HMCN1: variants seen among roughly 807,000 people sequenced by gnomAD.
HMCN1 encodes hemicentin 1, also known as hemicentin-1.
A neutral mutation model predicts 625.9 loss-of-function variants in HMCN1; 321 were observed. The ratio of observed to expected loss-of-function variants is 0.51; its 90% confidence interval spans 0.47 to 0.56. The LOEUF (loss-of-function observed/expected upper bound fraction) is 0.56, where lower values mean the gene tolerates loss of function less well. Ranked by LOEUF, HMCN1 falls within the 20% of genes least tolerant of loss-of-function variation. The probability of loss-of-function intolerance (pLI) is 0.00; values close to 1 mark genes in which losing one functional copy is unlikely to be tolerated. For missense variants in HMCN1, 6,588 were observed against 6,887.3 expected, an observed-to-expected ratio of 0.96 and a Z score of 1.54; for synonymous variants, 2,425 against 2,417.6, an observed-to-expected ratio of 1.00 and a Z score of -0.09.
At chr1:185,769,831 C>T (rs1352631459) in intron 1 of HMCN1, among the ~76,000 whole-genome samples, 1 of 152,090 alleles carries the variant, frequency 6.6e-6, no homozygotes, top group East Asian at 1.9e-4. Context: ...TTGTGGGCTC[C>T]CATCATCACA....
At chr1:186,129,826 G>C in intron 83 of HMCN1, 140 bp from the exon 84 acceptor site, 1 of 994,870 alleles carries the variant, frequency 1.0e-6, no homozygotes, top group Non-Finnish European at 1.6e-6. Context: ...AAGAAATGTG[G>C]AAAAGGCTCT....
chr1:186,177,052 C>T (rs1427445625), intron 103 of HMCN1: 1 of 143,282 alleles, frequency 7.0e-6, no homozygotes, highest in African/African-American at 2.8e-5. Flanking sequence ...CACCTGTAAT[C>T]CCAGCACTTT....
intron 2 of HMCN1, among the ~76,000 whole-genome samples, chr1:185,858,865 T>G (rs1662670105): frequency 6.6e-6 from 1 of 151,930 alleles, no homozygotes; most frequent in Admixed American, 6.6e-5. Flanking sequence ...CAAATCAACC[T>G]ACAGTCTCTG....
intron 100 of HMCN1, among the ~76,000 whole-genome samples, chr1:186,169,772 C>T (rs56267286): frequency 0.29 from 43,735 of 151,992 alleles, 6,660 homozygotes; most frequent in Middle Eastern, 0.4. Flanking sequence ...CAGGCATAGG[C>T]AAAGACTTCA....
chr1:185,853,554 G>T (rs892447354), intron 2 of HMCN1, among the ~76,000 whole-genome samples: 43 of 152,108 alleles, frequency 2.8e-4, no homozygotes, highest in Non-Finnish European at 4.6e-4. Flanking sequence ...TTCTGCTAGA[G>T]TAAAGAATTC....
At chr1:185,986,205 C>T (rs1651988811) in intron 19 of HMCN1, among the ~76,000 whole-genome samples, 1 of 152,084 alleles carries the variant, frequency 6.6e-6, no homozygotes, top group South Asian at 2.1e-4. Context: ...TGAACCCAGC[C>T]ATAGGAAAAT....
chr1:185,990,698 G>A (rs1571676023), intron 22 of HMCN1, among the ~76,000 whole-genome samples: 3 of 152,268 alleles, frequency 2.0e-5, no homozygotes, highest in Admixed American at 2.0e-4. Flanking sequence ...TTATTAAAAT[G>A]GAGCAGAATT....
rs188053862 is a variant in HMCN1, at chr1:186,088,312, T to G, written c.9577+36T>G. 890 of 1,609,162 alleles carry G rather than the reference T, an allele frequency of 5.5e-4. 4 individuals carry two copies. The East Asian group carries it at 7.9e-3, about 14-fold the overall frequency. ...CATGCATTTTTGTGTGTGTGTGTGT[T>G]TTTTTCTCTTGCTCTTAATTCACTA... is the stretch of plus-strand genomic sequence containing the variant. On this transcript the variant is annotated intron_variant, in intron 62 of 106. Transcript: ENST00000271588.
At chr1:185,911,372 A>G (rs971346653) in intron 5 of HMCN1, among the ~76,000 whole-genome samples, 7 of 152,196 alleles carry the variant, frequency 4.6e-5, no homozygotes, top group African/African-American at 1.4e-4. Flanking sequence ...TTATTTCATA[A>G]GGTTTCCAAT....
intron 11 of HMCN1, among the ~76,000 whole-genome samples, chr1:185,961,109 A>C (rs577679875): frequency 1.3e-5 from 2 of 152,286 alleles, no homozygotes; most frequent in East Asian, 3.9e-4. Flanking sequence ...AATTTGAAAA[A>C]CACAATGTAA....
Position 186,166,257 on chromosome 1 carries a change from C to T in HMCN1, c.15393C>T (p.Ser5131=), listed in dbSNP as rs142864872. ...CHNAMGTYYC[S]CPKGLTIAAD... is the part of the protein sequence containing the mutation. ...ATGCCATGGGGACTTACTACTGCTC[C>T]TGCCCTAAAGGCCTCACCATAGCTG... is the stretch of plus-strand genomic sequence containing the variant. The change falls in exon 99 of 107, where the codon TCC becomes TCT. Residue 5131 remains serine (S), a synonymous_variant. Coordinates refer to ENST00000271588, the MANE Select transcript of HMCN1 (RefSeq NM_031935.3). 7.0e-4 allele frequency: 1,131 copies of T among 1,614,154 alleles called. 4 individuals are homozygous for T. Among genetic ancestry groups the T allele is most frequent in the East Asian group, 3.7e-3 (168 of 44,862 alleles).
Position 185,828,011 on chromosome 1 carries a change from G to T in HMCN1, c.269-18015G>T, listed in dbSNP as rs200369347. On this transcript the variant is annotated intron_variant, in intron 1 of 106. Transcript: ENST00000271588. ...GCAAAAATGTTGTTCAAATACAGAG[G>T]CAATAGCAAACAATTTTGAACACGC... 2.6e-5 allele frequency among the ~76,000 whole-genome samples: 4 copies of T among 152,096 alleles called. No homozygotes were observed. The East Asian group carries it at 7.7e-4, about 29-fold the overall frequency.
rs568654159 is a variant in HMCN1, at chr1:185,928,666, A to G, written c.1551A>G (p.Ser517=). The G allele has an allele frequency of 6.2e-7, 1 of 1,613,214 alleles. No individual in the cohort carries two copies. The highest frequency in any genetic ancestry group is 1.3e-5 in the African/African-American group (1 of 75,030). The change falls in exon 10 of 107, where the codon TCA becomes TCG. Residue 517 remains serine, a splice_region_variant and synonymous_variant. Coordinates refer to ENST00000271588, the MANE Select transcript of HMCN1 (RefSeq NM_031935.3). The part of the protein sequence containing the change: ...TGRAQTFFDV[S]EPPPVIQVPN... ...GGGCACAGACATTTTTTGACGTATC[A>G]GGTAATTACCACTAATTTCTTTGCA...
intron 1 of HMCN1, among the ~76,000 whole-genome samples, chr1:185,747,710 A>G (rs1654515088): frequency 6.6e-6 from 1 of 152,236 alleles, no homozygotes; most frequent in East Asian, 1.9e-4. Context: ...GGAAAATTAC[A>G]TAGGAGCTAG....
chr1:185,970,310 T>A, intron 14 of HMCN1, 25 bp from the exon 15 acceptor site: 1 of 1,603,300 alleles, frequency 6.2e-7, no homozygotes, highest in Non-Finnish European at 8.5e-7. Flanking sequence ...TAGTGTTTAA[T>A]GTTCTCCCCT....
intron 1 of HMCN1, among the ~76,000 whole-genome samples, chr1:185,810,976 G>T (rs918667194): frequency 5.3e-5 from 8 of 151,266 alleles, no homozygotes; most frequent in African/African-American, 2.0e-4. Flanking sequence ...ATCTGCATTT[G>T]CTTATTAAAA....
intron 46 of HMCN1, among the ~76,000 whole-genome samples, chr1:186,058,820 C>T (rs909569309): frequency 6.6e-6 from 1 of 151,898 alleles, no homozygotes; most frequent in Admixed American, 6.6e-5. Flanking sequence ...TTTCCTAGTG[C>T]TGGAATTAGG....
At position 186,038,153 on chromosome 1, in the gene HMCN1, A is replaced by G. The variant is rs533631755; in HGVS notation, c.5851+118A>G. On this transcript the variant is annotated intron_variant, in intron 37 of 106. Coordinates refer to ENST00000271588, the MANE Select transcript of HMCN1 (RefSeq NM_031935.3). Reference sequence around the variant, plus strand: ...AAGAACAGGTTATAGAATACATTTCATGGGTGAAACATTGATAAGAATATT... The same window carrying G: ...AAGAACAGGTTATAGAATACATTTCGTGGGTGAAACATTGATAAGAATATT... 1.2e-4 allele frequency: 88 copies of G among 717,726 alleles called. No individual in the cohort carries two copies. In the African/African-American group the frequency reaches 1.5e-3, roughly 12 times the overall value. 44.5% of individuals were successfully genotyped at this position (717,726 alleles called of 1,614,324 possible).
rs572187562 is a variant in HMCN1 at position 186,125,596 on chromosome 1, C to T, written c.12500-8C>T. ...TTCCTGGATGACTCTTTTTTAAACT[C>T]TTCATAGTACCACCCAGGATCAGAA... On this transcript the variant is annotated splice_polypyrimidine_tract_variant and splice_region_variant and intron_variant, in intron 81 of 106. Coordinates refer to ENST00000271588, the MANE Select transcript of HMCN1 (RefSeq NM_031935.3). 1.9e-6 allele frequency: 3 copies of T among 1,608,818 alleles called. No individual in the cohort carries two copies. Among genetic ancestry groups the T allele is most frequent in the African/African-American group, 2.7e-5 (2 of 74,864 alleles).
Sources: gnomAD v4.1 joint callset for allele counts (sites outside exome capture counted in the v4.1 genomes callset) on GRCh38, gnomAD v4.1.1 for gene constraint, MANE v1.5 for transcripts, NCBI Gene and HGNC (gene_info 2026-07-23, HGNC 2026-07-21) for gene names.